CAMKMT: variants seen among roughly 807,000 people sequenced by gnomAD.
CAMKMT encodes calmodulin-lysine N-methyltransferase, also known as CaM KMT.
CAMKMT carries 53 observed loss-of-function variants against 48.0 expected under a neutral mutation model. The observed-to-expected ratio is 1.10, with a 90% CI of 0.89 to 1.39. The LOEUF (loss-of-function observed/expected upper bound fraction) is 1.39, where lower values mean the gene tolerates loss of function less well. CAMKMT is among the 40% of genes most tolerant of loss of function. The probability of loss-of-function intolerance (pLI) is 0.00; values close to 1 mark genes in which losing one functional copy is unlikely to be tolerated. For missense variants in CAMKMT, 428 were observed against 402.7 expected, an observed-to-expected ratio of 1.06 and a Z score of -0.54; for synonymous variants, 165 against 152.3, an observed-to-expected ratio of 1.08 and a Z score of -0.61.
Position 44,772,026 on chromosome 2 carries a change from T to C in CAMKMT, c.895-10T>C. 1.2e-6 allele frequency: 2 copies of C among 1,600,628 alleles called. No homozygotes were observed. The highest frequency in any genetic ancestry group is 2.2e-5 in the South Asian group (2 of 90,350). The stretch of plus-strand genomic sequence containing the variant: ...TCCCCTTACCTTTTTCTTTCTATTA[T>C]TGTTTTCAGTTGAAAAAGGAAAACC... On this transcript the variant is annotated splice_polypyrimidine_tract_variant and intron_variant, in intron 10 of 10. Transcript: ENST00000378494.
In CAMKMT at chr2:44,604,783, C is replaced by T. The variant is rs972631728; in HGVS notation, c.377-99500C>T. 9.2e-5 allele frequency among the ~76,000 whole-genome samples: 14 copies of T among 151,730 alleles called. 1 individual carries two copies. The highest frequency in any genetic ancestry group is 3.1e-4 in the African/African-American group (13 of 41,320). ...TATACTAAAGGTTTTTGCTTTTTTC[C>T]TGAATGTAATTGTCAGTCCTCCAGG... is the stretch of plus-strand genomic sequence containing the variant. On this transcript the variant is annotated intron_variant, in intron 3 of 10. Transcript: ENST00000378494.
At chr2:44,660,072 C>T (rs1438704619) in intron 3 of CAMKMT, among the ~76,000 whole-genome samples, 1 of 152,138 alleles carries the variant, frequency 6.6e-6, no homozygotes, top group East Asian at 1.9e-4. Context: ...ACATTAAACT[C>T]ATTATGTCTT....
intron 3 of CAMKMT, among the ~76,000 whole-genome samples, chr2:44,560,038 T>C (rs1668240609): frequency 6.6e-6 from 1 of 152,248 alleles, no homozygotes; most frequent in Admixed American, 6.5e-5. Context: ...TATTATTAAC[T>C]AGCCCTCTTG....
At chr2:44,748,075 G>A (rs1679991892) in intron 8 of CAMKMT, among the ~76,000 whole-genome samples, 1 of 152,096 alleles carries the variant, frequency 6.6e-6, no homozygotes, top group Non-Finnish European at 1.5e-5. Flanking sequence ...GAATTTTCAG[G>A]AGATTATATA....
At chr2:44,640,170 A>G (rs895752058) in intron 3 of CAMKMT, among the ~76,000 whole-genome samples, 2 of 152,218 alleles carry the variant, frequency 1.3e-5, no homozygotes, top group Admixed American at 6.5e-5. Flanking sequence ...ATGACTATCA[A>G]TAATATGACT....
At chr2:44,468,957 A>T (rs910098239) in intron 3 of CAMKMT, among the ~76,000 whole-genome samples, 3 of 152,052 alleles carry the variant, frequency 2.0e-5, no homozygotes, top group Non-Finnish European at 4.4e-5. Flanking sequence ...AAGAAAGAAA[A>T]ATGTATGTTC....
intron 3 of CAMKMT, among the ~76,000 whole-genome samples, chr2:44,554,268 C>T (rs555911370): frequency 2.0e-5 from 3 of 152,296 alleles, no homozygotes; most frequent in Admixed American, 2.0e-4. Context: ...GTTAGTTAAA[C>T]ATTATGATAG....
At chr2:44,685,320 G>T (rs114028638) in intron 3 of CAMKMT, among the ~76,000 whole-genome samples, 2,145 of 152,250 alleles carry the variant, frequency 0.014, 53 homozygotes, top group African/African-American at 0.049. Context: ...AGAATGAGAT[G>T]GACAGAGGGA....
intron 10 of CAMKMT, among the ~76,000 whole-genome samples, chr2:44,768,945 T>A (rs180926531): frequency 1.7e-4 from 26 of 152,274 alleles, no homozygotes; most frequent in African/African-American, 6.3e-4. Context: ...ATAATGCCGC[T>A]CTTTTCCGCT....
Position 44,471,558 on chromosome 2 carries a change from C to T in CAMKMT, c.376+81253C>T, listed in dbSNP as rs550105164. On this transcript the variant is annotated intron_variant, in intron 3 of 10. Coordinates refer to ENST00000378494, the MANE Select transcript of CAMKMT (RefSeq NM_024766.5). ...GAGGCTGCAGAGAGCCATGATTGTG[C>T]CAATACACTCTAGCCTGAGTAACAG... Among the ~76,000 whole-genome samples, 9 of 151,888 alleles carry T rather than the reference C, an allele frequency of 5.9e-5. No homozygotes were observed. The East Asian group carries it at 1.8e-3, about 30-fold the overall frequency.
intron 7 of CAMKMT, among the ~76,000 whole-genome samples, chr2:44,719,047 T>C (rs1292449611): frequency 1.3e-5 from 2 of 152,162 alleles, no homozygotes; most frequent in Admixed American, 6.5e-5. Flanking sequence ...CCAAGTAGAA[T>C]CCAGTGGTTG....
intron 3 of CAMKMT, among the ~76,000 whole-genome samples, chr2:44,676,005 T>C (rs551026507): frequency 2.1e-4 from 32 of 152,350 alleles, no homozygotes; most frequent in Non-Finnish European, 3.5e-4. Context: ...TGCCAGAATT[T>C]CTTTCGTTTT....
intron 7 of CAMKMT, among the ~76,000 whole-genome samples, chr2:44,729,396 G>A (rs997056470): frequency 6.6e-6 from 1 of 152,302 alleles, no homozygotes; most frequent in South Asian, 2.1e-4. Context: ...AGTAAAAAGA[G>A]CCAGAAAGGG....
At chr2:44,617,945 A>G (rs975010403) in intron 3 of CAMKMT, among the ~76,000 whole-genome samples, 1 of 152,240 alleles carries the variant, frequency 6.6e-6, no homozygotes, top group Non-Finnish European at 1.5e-5. Context: ...GGCTTATGTA[A>G]GAGCCAAATA....
At chr2:44,760,528 G>A (rs1680572688) in intron 9 of CAMKMT, among the ~76,000 whole-genome samples, 1 of 150,990 alleles carries the variant, frequency 6.6e-6, no homozygotes, top group Non-Finnish European at 1.5e-5. Flanking sequence ...GGAGAATGGT[G>A]TGAACCCGGG....
At chr2:44,438,766 C>T (rs1006774602) in intron 3 of CAMKMT, among the ~76,000 whole-genome samples, 11 of 152,118 alleles carry the variant, frequency 7.2e-5, no homozygotes, top group Admixed American at 3.9e-4. Flanking sequence ...GGCACAATCA[C>T]GGCTCGCTGC....
intron 1 of CAMKMT, among the ~76,000 whole-genome samples, chr2:44,367,793 T>C (rs1678761481): frequency 6.6e-6 from 1 of 152,224 alleles, no homozygotes. Context: ...TCTCTAGAAA[T>C]GTATCTATCA....
chr2:44,579,836 T>C (rs1212968324), intron 3 of CAMKMT, among the ~76,000 whole-genome samples: 1 of 152,212 alleles, frequency 6.6e-6, no homozygotes, highest in Non-Finnish European at 1.5e-5. Context: ...AAGTGTGTGT[T>C]GCACAAATCG....
Position 44,445,519 on chromosome 2 carries a change from T to G in CAMKMT, c.376+55214T>G, listed in dbSNP as rs142847772. ...CTCTCTTCACAGATAGGTAATTGTG[T>G]CTCCATACTACGGGACATTCCCCTA... On this transcript the variant is annotated intron_variant, in intron 3 of 10. Transcript: ENST00000378494. Among the ~76,000 whole-genome samples, 101 of 152,114 alleles carry G rather than the reference T, an allele frequency of 6.6e-4. 3 individuals are homozygous for G. The East Asian group carries it at 0.018, about 27-fold the overall frequency.
Sources: gnomAD v4.1 joint callset for allele counts (sites outside exome capture counted in the v4.1 genomes callset) on GRCh38, gnomAD v4.1.1 for gene constraint, MANE v1.5 for transcripts, NCBI Gene and HGNC (gene_info 2026-07-23, HGNC 2026-07-21) for gene names.